Variants in VSTM4 observed in about 807,000 individuals in gnomAD.
VSTM4 encodes the protein V-set and transmembrane domain-containing protein 4.
Under a neutral mutation model 36.4 loss-of-function variants are expected in VSTM4, and 20 were observed. The observed-to-expected ratio is 0.55, with a 90% CI of 0.39 to 0.80. VSTM4 has a LOEUF of 0.80. Among genes scored for constraint, VSTM4 ranks in the 30% least tolerant of loss-of-function variants. The pLI is 0.00. For synonymous variants in VSTM4, 182 were observed against 173.9 expected, an observed-to-expected ratio of 1.05 and a Z score of -0.37; for missense variants, 392 against 404.5, an observed-to-expected ratio of 0.97 and a Z score of 0.26.
intron 2 of VSTM4, among the ~76,000 whole-genome samples, chr10:49,093,087 C>G (rs756310874): frequency 6.6e-6 from 1 of 152,110 alleles, no homozygotes; most frequent in Non-Finnish European, 1.5e-5. Flanking sequence ...TCTGATTCTT[C>G]CAGTACACCA....
chr10:49,108,395 C>T (rs974730675), intron 1 of VSTM4, among the ~76,000 whole-genome samples: 10 of 152,224 alleles, frequency 6.6e-5, no homozygotes, highest in East Asian at 1.9e-4. Flanking sequence ...TGGCCCCTGC[C>T]CCTCCCCAAG....
chr10:49,102,024 T>C (rs1318923925), intron 2 of VSTM4: 1 of 152,132 alleles, frequency 6.6e-6, no homozygotes, highest in Non-Finnish European at 1.5e-5. Flanking sequence ...GGAAAGAGAT[T>C]TGAAAGATCT....
chr10:49,114,826 G>A (rs745724046), intron 1 of VSTM4, among the ~76,000 whole-genome samples: 8 of 152,178 alleles, frequency 5.3e-5, no homozygotes, highest in Non-Finnish European at 8.8e-5. Context: ...AAACCCGAAT[G>A]AAAGCCATTA....
At chr10:49,064,066 A>T (rs190560558) in intron 5 of VSTM4, 3 of 152,190 alleles carry the variant, frequency 2.0e-5, no homozygotes, top group Non-Finnish European at 4.4e-5. Context: ...AAAACATAAG[A>T]TGTCTAGCAG....
intron 1 of VSTM4, among the ~76,000 whole-genome samples, chr10:49,114,093 G>A (rs1408637520): frequency 6.6e-6 from 1 of 152,138 alleles, no homozygotes; most frequent in Non-Finnish European, 1.5e-5. Context: ...CAGAGACCAC[G>A]AGAACTGGCC....
rs908995499 is a variant in VSTM4 at position 49,017,815 on chromosome 10, G to A, written c.*1835C>T. 6.6e-6 allele frequency: 1 copy of A among 152,086 alleles called. No homozygotes were observed. Among genetic ancestry groups the A allele is most frequent in the Non-Finnish European group, 1.5e-5 (1 of 68,026 alleles). 9.4% of individuals were successfully genotyped at this position (152,086 alleles called of 1,614,324 possible). ...CCCTCAAAACACTATACATCTGTCA[G>A]AACACTGCCATGATAAAATTAAAAA... On this transcript the variant is annotated 3_prime_UTR_variant, in exon 8 of 8. Coordinates refer to ENST00000332853, the MANE Select transcript of VSTM4 (RefSeq NM_001031746.5).
chr10:49,077,429 T>C, intron 3 of VSTM4, 103 bp from the exon 4 acceptor site: 4 of 1,038,394 alleles, frequency 3.9e-6, no homozygotes, highest in South Asian at 2.8e-5. Context: ...ATCCCAGTGC[T>C]ACAGTCAACA....
intron 2 of VSTM4, chr10:49,103,657 T>C (rs1590134104): frequency 6.4e-7 from 1 of 1,564,046 alleles, no homozygotes; most frequent in Non-Finnish European, 8.6e-7. Flanking sequence ...GGGCGAGGTG[T>C]TCATGACAGG....
chr10:49,076,185 G>GA (rs1844175287), intron 4 of VSTM4, among the ~76,000 whole-genome samples: 1 of 152,180 alleles, frequency 6.6e-6, no homozygotes, highest in African/African-American at 2.4e-5. Context: ...TGTGACCACT[G>GA]AATCTAATAT....
chr10:49,089,560 A>T (rs1236253747), intron 2 of VSTM4, among the ~76,000 whole-genome samples: 1 of 152,234 alleles, frequency 6.6e-6, no homozygotes, highest in Admixed American at 6.5e-5. Context: ...ACATGTGTTG[A>T]AAGAGCTAAC....
chr10:49,108,189 G>C (rs1049051525), intron 1 of VSTM4, among the ~76,000 whole-genome samples, 194 bp from the exon 2 acceptor site: 5 of 152,198 alleles, frequency 3.3e-5, no homozygotes, highest in African/African-American at 1.2e-4. Context: ...GGCCCCCACT[G>C]TCTCATCTAT....
intron 7 of VSTM4, among the ~76,000 whole-genome samples, chr10:49,023,582 G>C (rs181920986): frequency 4.6e-5 from 7 of 152,314 alleles, no homozygotes; most frequent in African/African-American, 1.7e-4. Flanking sequence ...ACAGCCTGAC[G>C]AGGAGCCTGT....
At chr10:49,096,573 G>T (rs1187153862) in intron 2 of VSTM4, among the ~76,000 whole-genome samples, 1 of 151,600 alleles carries the variant, frequency 6.6e-6, no homozygotes, top group Non-Finnish European at 1.5e-5. Context: ...AGGTTAGACT[G>T]CTTCTGAATC....
At chr10:49,114,813 G>T (rs1477503022) in intron 1 of VSTM4, among the ~76,000 whole-genome samples, 5 of 152,154 alleles carry the variant, frequency 3.3e-5, no homozygotes, top group African/African-American at 1.2e-4. Flanking sequence ...AGTGGGAGCA[G>T]TAAAACCCGA....
At chr10:49,077,358 C>A (rs765858700) in intron 3 of VSTM4, 32 bp from the exon 4 acceptor site, 4 of 1,604,300 alleles carry the variant, frequency 2.5e-6, no homozygotes, top group Non-Finnish European at 2.6e-6. Context: ...GTGAGTCAGC[C>A]TTCTGGGGGC....
intron 1 of VSTM4, among the ~76,000 whole-genome samples, chr10:49,111,311 G>A (rs939534397): frequency 1.3e-5 from 2 of 152,184 alleles, no homozygotes; most frequent in African/African-American, 4.8e-5. Context: ...GCTCAGCAGA[G>A]GGAACACCAA....
intron 2 of VSTM4, among the ~76,000 whole-genome samples, chr10:49,096,976 T>G (rs1844583505): frequency 6.6e-6 from 1 of 151,918 alleles, no homozygotes; most frequent in Admixed American, 6.6e-5. Flanking sequence ...TTTGAAGTCT[T>G]GGGGATCAAA....
rs1844819313 is a variant in VSTM4, at chr10:49,107,922, A to G, written c.129T>C (p.Thr43=). 1.2e-6 allele frequency: 2 copies of G among 1,613,448 alleles called. No homozygotes were observed. The part of the protein sequence containing the change: ...VVDYLEGENA[T]LLCHVSQKRR... ...TTTTCTGGGAGACGTGGCAGAGGAG[A>G]GTGGCATTCTCCCCCTCCAGGTAGT... is the stretch of plus-strand genomic sequence containing the variant. The change falls in exon 2 of 8, where the codon ACT becomes ACC. Residue 43 remains threonine (T), a synonymous_variant. Coordinates refer to ENST00000332853, the MANE Select transcript of VSTM4 (RefSeq NM_001031746.5).
At chr10:49,061,431 C>T (rs1843875727) in intron 5 of VSTM4, among the ~76,000 whole-genome samples, 1 of 152,124 alleles carries the variant, frequency 6.6e-6, no homozygotes, top group Non-Finnish European at 1.5e-5. Flanking sequence ...CTTCAATAAC[C>T]ATGCTAATTT....
Sources: gnomAD v4.1 joint callset for allele counts (sites outside exome capture counted in the v4.1 genomes callset) on GRCh38, gnomAD v4.1.1 for gene constraint, MANE v1.5 for transcripts, NCBI Gene and HGNC (gene_info 2026-07-23, HGNC 2026-07-21) for gene names.